The following TUFT1 variants were observed in gnomAD, a reference collection of about 807,000 sequenced individuals.
The protein encoded by TUFT1 is tuftelin 1.
Under a neutral mutation model 57.8 loss-of-function variants are expected in TUFT1, and 43 were observed. That is an observed-to-expected ratio of 0.74 (90% CI 0.58 to 0.96). The LOEUF is 0.96. Ranked by LOEUF, TUFT1 falls within the 40% of genes least tolerant of loss-of-function variation. The pLI is 0.00. For synonymous variants in TUFT1, 166 were observed against 176.7 expected (o/e 0.94, Z 0.48); for missense variants, 459 against 489.0 (o/e 0.94, Z 0.58).
chr1:151,562,036 G>A, intron 1 of TUFT1, 55 bp from the exon 2 acceptor site: 1 of 1,564,444 alleles, frequency 6.4e-7, no homozygotes, highest in Non-Finnish European at 8.8e-7. Context: ...GTAGCAGTTT[G>A]TACCTGTAGA....
chr1:151,581,751 G>C lies in TUFT1; in HGVS notation c.*44G>C, dbSNP rs114820297. 3,528 of 1,606,794 alleles carry C rather than the reference G, an allele frequency of 2.2e-3. 58 individuals carry two copies. In the African/African-American group the frequency reaches 0.041, roughly 19 times the overall value. ...CTGCCATTGCTGCTGCCTCTGCCTC[G>C]GAGAAGCCCACTGCCCCTGTTGGCT... is the stretch of plus-strand genomic sequence containing the variant. On this transcript the variant is annotated 3_prime_UTR_variant, in exon 13 of 13. Transcript: ENST00000368849.
intron 2 of TUFT1, 126 bp from the exon 3 acceptor site, chr1:151,562,458 AC>A: frequency 1.2e-6 from 1 of 854,540 alleles, no homozygotes; most frequent in Non-Finnish European, 1.8e-6. Flanking sequence ...GGAAAGTCAG[AC>A]TAATCCTTCA....
At chr1:151,579,961 G>A (rs1027607411) in intron 11 of TUFT1, among the ~76,000 whole-genome samples, 5 of 152,158 alleles carry the variant, frequency 3.3e-5, no homozygotes, top group African/African-American at 1.2e-4. Flanking sequence ...CACCTTCAAC[G>A]GACATGTCAT....
At chr1:151,557,988 TTA>T in intron 1 of TUFT1, 1 of 457,410 alleles carries the variant, frequency 2.2e-6, no homozygotes, top group South Asian at 1.8e-5. Flanking sequence ...GCAAAAAAAC[TTA>T]AAAAAAAAAA....
In TUFT1 at chr1:151,554,695, C is replaced by CCTTTTTTTTTT. The variant is rs1553249393; in HGVS notation, c.61-7396_61-7395insCTTTTTTTTTT. ...ACTGTGAACCACTGTGCCCGGCCCC[C>CCTTTTTTTTTT]TTTTTTTTTTTTTTTTTTTTTTTTT... is the stretch of plus-strand genomic sequence containing the variant. On this transcript the variant is annotated intron_variant, in intron 1 of 12. Coordinates refer to ENST00000368849, the MANE Select transcript of TUFT1 (RefSeq NM_020127.3). Among the ~76,000 whole-genome samples the CCTTTTTTTTTT allele has an allele frequency of 5.8e-5, 5 of 85,652 alleles. 2 individuals are homozygous for CCTTTTTTTTTT. Among genetic ancestry groups the CCTTTTTTTTTT allele is most frequent in the African/African-American group, 5.1e-5 (1 of 19,778 alleles). 56.2% of individuals were successfully genotyped at this position (85,652 alleles called of 152,430 possible). A position where few individuals can be genotyped will look rare whatever the true frequency, so the allele number is the denominator to read the frequency against.
intron 6 of TUFT1, among the ~76,000 whole-genome samples, chr1:151,566,741 A>G (rs1040346083): frequency 6.6e-6 from 1 of 152,256 alleles, no homozygotes; most frequent in Middle Eastern, 3.4e-3. Context: ...TATAATATAC[A>G]TGTGCTTTTC....
intron 1 of TUFT1, chr1:151,540,771 T>C (rs3790507): frequency 0.31 from 71,834 of 235,414 alleles, 13,034 homozygotes; most frequent in East Asian, 0.6. Context: ...CTCAAGCGAC[T>C]GGGTCCCTGA....
At position 151,569,623 on chromosome 1, in the gene TUFT1, G is replaced by A. The variant is rs3748610; in HGVS notation, c.481-34G>A. ...TTTTCTTACTGAGTCAGAAACTTGAGGGCTTCCCCTTCCCTTCCTTGTTCT... is the reference window on the plus strand; with the variant it reads ...TTTTCTTACTGAGTCAGAAACTTGAAGGCTTCCCCTTCCCTTCCTTGTTCT... On this transcript the variant is annotated intron_variant, in intron 6 of 12. Coordinates refer to ENST00000368849, the MANE Select transcript of TUFT1 (RefSeq NM_020127.3). 42 of 1,584,906 alleles carry A rather than the reference G, an allele frequency of 2.7e-5. No individual in the cohort carries two copies. The South Asian group carries it at 4.7e-4, about 18-fold the overall frequency.
intron 1 of TUFT1, among the ~76,000 whole-genome samples, chr1:151,543,170 A>G (rs544833279): frequency 6.6e-6 from 1 of 152,260 alleles, no homozygotes; most frequent in East Asian, 1.9e-4. Flanking sequence ...AGGTACAAGG[A>G]GCCAGTGTTT....
intron 9 of TUFT1, 43 bp from the exon 10 acceptor site, chr1:151,578,678 T>C (rs1274399004): frequency 1.2e-5 from 18 of 1,497,558 alleles, no homozygotes; most frequent in Non-Finnish European, 1.6e-5. Flanking sequence ...GGTAAATAAG[T>C]GATCTTGTTC....
chr1:151,576,689 G>A (rs1412467560), intron 9 of TUFT1, among the ~76,000 whole-genome samples: 3 of 152,156 alleles, frequency 2.0e-5, no homozygotes, highest in Non-Finnish European at 4.4e-5. Flanking sequence ...CTGGAGTGCA[G>A]TGGTGCAATC....
chr1:151,543,437 T>C, intron 1 of TUFT1, among the ~76,000 whole-genome samples: 1 of 152,040 alleles, frequency 6.6e-6, no homozygotes, highest in South Asian at 2.1e-4. Context: ...TGCAAGCCAC[T>C]GTGGTAAGTT....
chr1:151,542,041 T>C (rs939680852), intron 1 of TUFT1, among the ~76,000 whole-genome samples: 1 of 152,054 alleles, frequency 6.6e-6, no homozygotes, highest in Non-Finnish European at 1.5e-5. Flanking sequence ...TCTTTTGGAA[T>C]AGTTGAGGGA....
chr1:151,579,706 G>A lies in TUFT1; in HGVS notation c.982G>A (p.Glu328Lys). The change falls in exon 11 of 13, where the codon GAG becomes AAG. Residue 328 changes from glutamate to lysine, a missense_variant. Transcript: ENST00000368849. ...GGACGCCACCATCCAGGAGCTCAAG[G>A]AGAAAATCGCCTATCTGGAGGCAGA... ...SKDATIQELKEKIAYLEAENL... is the reference protein window; with the variant it reads ...SKDATIQELKKKIAYLEAENL... 6.2e-7 allele frequency: 1 copy of A among 1,613,992 alleles called. No individual in the cohort carries two copies. The highest frequency in any genetic ancestry group is 1.7e-4 in the Middle Eastern group (1 of 6,048).
At position 151,569,693 on chromosome 1, in the gene TUFT1, A is replaced by G. The variant is rs1056997097; in HGVS notation, c.517A>G (p.Arg173Gly). Residue 173 changes from arginine (R) to glycine (G), a missense_variant, in exon 7 of 13, where the codon AGG becomes GGG. Arg to Gly is a moderately radical substitution (Grantham distance 125, BLOSUM62 -2). Coordinates refer to ENST00000368849, the MANE Select transcript of TUFT1 (RefSeq NM_020127.3). ...TCINEDVESL[R>G]KTVQDLLAKL... ...TATAAATGAGGATGTTGAGAGCTTG[A>G]GGAAGACGGTGCAGGACTTGCTGGC... The G allele has an allele frequency of 1.2e-6, 2 of 1,613,978 alleles. No homozygotes were observed. The highest frequency in any genetic ancestry group is 3.3e-4 in the Middle Eastern group (2 of 6,062).
At chr1:151,574,548 AT>A in intron 8 of TUFT1, 150 bp downstream of exon 8, 1 of 1,083,088 alleles carries the variant, frequency 9.2e-7, no homozygotes, top group Non-Finnish European at 1.3e-6. Context: ...CTTGGAATAC[AT>A]TTTAGCCTTC....
In TUFT1 at chr1:151,578,787, C is replaced by T; in HGVS notation, c.885C>T (p.Leu295=). The change falls in exon 10 of 13, where the codon CTC becomes CTT. Residue 295 remains leucine, a synonymous_variant. Transcript: ENST00000368849. ...REKIHHLDDM[L]KSQQRKVRQM... is the part of the protein sequence containing the mutation. ...AGATCCACCACTTGGATGACATGCT[C>T]AAGAGCCAGCAGCGGAAAGTCCGGC... is the stretch of plus-strand genomic sequence containing the variant. The T allele has an allele frequency of 6.3e-7, 1 of 1,582,862 alleles. No homozygotes were observed. The highest frequency in any genetic ancestry group is 8.6e-7 in the Non-Finnish European group (1 of 1,163,292).
intron 9 of TUFT1, among the ~76,000 whole-genome samples, chr1:151,577,076 C>T (rs1442486051): frequency 1.3e-5 from 2 of 152,116 alleles, no homozygotes; most frequent in Non-Finnish European, 2.9e-5. Context: ...CCCTGGCCAA[C>T]ATTTCACTTA....
chr1:151,564,035 A>G, intron 4 of TUFT1, 45 bp downstream of exon 4: 1 of 1,468,048 alleles, frequency 6.8e-7, no homozygotes, highest in South Asian at 1.2e-5. Context: ...TCATTTCTCT[A>G]AATCTCACAT....
Sources: gnomAD v4.1 joint callset for allele counts (sites outside exome capture counted in the v4.1 genomes callset) on GRCh38, gnomAD v4.1.1 for gene constraint, MANE v1.5 for transcripts, NCBI Gene and HGNC (gene_info 2026-07-23, HGNC 2026-07-21) for gene names.